TLL2: variants seen among roughly 807,000 people sequenced by gnomAD.
TLL2 encodes tolloid like 2.
TLL2 carries 106 observed loss-of-function variants against 123.0 expected under a neutral mutation model. The observed-to-expected ratio is 0.86, with a 90% CI of 0.74 to 1.01. The LOEUF (loss-of-function observed/expected upper bound fraction) is 1.01. TLL2 is among the 50% of genes least tolerant of loss of function. TLL2 has a pLI of 0.00. For missense variants in TLL2, 1,332 were observed against 1,336.7 expected (o/e 1.00, Z 0.06); for synonymous variants, 494 against 516.8 (o/e 0.96, Z 0.60).
At chr10:96,424,429 A>G (rs1846658440) in intron 5 of TLL2, among the ~76,000 whole-genome samples, 1 of 152,160 alleles carries the variant, frequency 6.6e-6, no homozygotes, top group Non-Finnish European at 1.5e-5. Flanking sequence ...GTACCCAACA[A>G]ATATATACAC....
At chr10:96,501,587 A>C (rs1847533500) in intron 1 of TLL2, among the ~76,000 whole-genome samples, 2 of 152,226 alleles carry the variant, frequency 1.3e-5, no homozygotes, top group South Asian at 4.1e-4. Context: ...AGCTTATTTC[A>C]ATCCTGTCAT....
intron 2 of TLL2, among the ~76,000 whole-genome samples, chr10:96,469,410 A>C (rs1847157897): frequency 6.6e-6 from 1 of 152,192 alleles, no homozygotes; most frequent in Non-Finnish European, 1.5e-5. Flanking sequence ...ATGGAAGAAG[A>C]AGCCTGCTTA....
At chr10:96,411,996 A>G (rs1210831740) in intron 8 of TLL2, among the ~76,000 whole-genome samples, 1 of 152,204 alleles carries the variant, frequency 6.6e-6, no homozygotes, top group Non-Finnish European at 1.5e-5. Context: ...ATACATTACT[A>G]TGTGGCTCCA....
chr10:96,424,776 T>C (rs1284616461), intron 5 of TLL2, among the ~76,000 whole-genome samples: 1 of 139,420 alleles, frequency 7.2e-6, no homozygotes, highest in Non-Finnish European at 1.6e-5. Flanking sequence ...TATTGTTTTG[T>C]TTTTTTTGCA....
At chr10:96,403,806 T>C (rs1280500321) in intron 10 of TLL2, among the ~76,000 whole-genome samples, 3 of 152,172 alleles carry the variant, frequency 2.0e-5, no homozygotes, top group Non-Finnish European at 2.9e-5. Context: ...TAAAACCCGA[T>C]TGTACATTTG....
intron 3 of TLL2, among the ~76,000 whole-genome samples, chr10:96,444,343 A>C (rs891976068): frequency 2.4e-4 from 37 of 152,246 alleles, no homozygotes; most frequent in African/African-American, 8.2e-4. Context: ...CTAATTGATA[A>C]GGAAAACACT....
chr10:96,431,978 A>T lies in TLL2; in HGVS notation c.520+829T>A, dbSNP rs117915517. Among the ~76,000 whole-genome samples the T allele has an allele frequency of 1.1e-3, 173 of 152,158 alleles. 2 individuals carry two copies. In the East Asian group the frequency reaches 0.027, roughly 23 times the overall value. ...TCTTGGGATGGGCACATGGCTGGTG[A>T]GGCCAGAGCTTAGGGATGAAGGATG... On this transcript the variant is annotated intron_variant, in intron 4 of 20. Coordinates refer to ENST00000357947, the MANE Select transcript of TLL2 (RefSeq NM_012465.4).
intron 2 of TLL2, among the ~76,000 whole-genome samples, chr10:96,479,823 A>C (rs906132756): frequency 6.6e-6 from 1 of 152,168 alleles, no homozygotes; most frequent in Admixed American, 6.5e-5. Context: ...TCCTCAAATA[A>C]GGAGAGTCCC....
At chr10:96,505,529 T>C (rs562324747) in intron 1 of TLL2, among the ~76,000 whole-genome samples, 14 of 152,376 alleles carry the variant, frequency 9.2e-5, no homozygotes, top group Admixed American at 5.9e-4. Context: ...TATTAATCAC[T>C]AAATCCTCAT....
intron 1 of TLL2, among the ~76,000 whole-genome samples, chr10:96,489,538 GAA>G (rs1240162426): frequency 2.0e-5 from 3 of 151,894 alleles, no homozygotes; most frequent in African/African-American, 7.3e-5. Context: ...AAAGAAAGAA[GAA>G]AGAGAGAGAG....
At chr10:96,386,348 A>G (rs1326382655) in intron 14 of TLL2, 133 bp from the exon 15 acceptor site, 3 of 941,766 alleles carry the variant, frequency 3.2e-6, no homozygotes, top group East Asian at 2.8e-5. Flanking sequence ...TGATTAATTC[A>G]GTGTCCTTTG....
chr10:96,480,199 GAGA>G (rs1342331485), intron 2 of TLL2, 147 bp downstream of exon 2: 3 of 653,266 alleles, frequency 4.6e-6, no homozygotes. Flanking sequence ...GGCTCCAGTG[GAGA>G]AGGAGAAGTG....
chr10:96,463,051 T>A (rs1002929595), intron 2 of TLL2, among the ~76,000 whole-genome samples: 4 of 152,248 alleles, frequency 2.6e-5, no homozygotes, highest in African/African-American at 9.6e-5. Flanking sequence ...AAAAGTGCCA[T>A]GAATATTGAT....
At chr10:96,483,084 GC>G (rs1424895648) in intron 1 of TLL2, among the ~76,000 whole-genome samples, 4 of 152,178 alleles carry the variant, frequency 2.6e-5, no homozygotes, top group Non-Finnish European at 5.9e-5. Flanking sequence ...TTGTAGAAAA[GC>G]GTAGGACCAA....
At chr10:96,395,788 C>A (rs927560581) in intron 12 of TLL2, 87 bp downstream of exon 12, 14 of 1,533,412 alleles carry the variant, frequency 9.1e-6, no homozygotes, top group Middle Eastern at 1.9e-4. Flanking sequence ...CTGTTTTTAG[C>A]CAAAAATGAA....
chr10:96,475,583 G>T (rs1268131547), intron 2 of TLL2, among the ~76,000 whole-genome samples: 1 of 152,214 alleles, frequency 6.6e-6, no homozygotes, highest in Non-Finnish European at 1.5e-5. Flanking sequence ...AACTGACATG[G>T]TTTCCTTCTG....
intron 11 of TLL2, among the ~76,000 whole-genome samples, chr10:96,396,629 A>G (rs1244147066): frequency 1.5e-5 from 2 of 135,732 alleles, no homozygotes; most frequent in Non-Finnish European, 3.1e-5. Flanking sequence ...GTGGGGAATG[A>G]GCCAGAGAAG....
chr10:96,384,704 T>C lies in TLL2; in HGVS notation c.2077A>G (p.Arg693Gly). The change falls in exon 16 of 21, where the codon AGG (arginine) becomes GGG (glycine). Residue 693 changes from arginine to glycine, a missense_variant. Physicochemically the swap from Arg to Gly is moderately radical, Grantham distance 125 (BLOSUM62 -2). Transcript: ENST00000357947. ...TCCGGCGTCTCAGAGCCGCAGAACCTGCCGTGCAGCTTGGCGTCGGGGGAC... is the reference window on the plus strand; with the variant it reads ...TCCGGCGTCTCAGAGCCGCAGAACCCGCCGTGCAGCTTGGCGTCGGGGGAC... ...GLSPDAKLHG[R>G]FCGSETPEVI... 2 of 1,612,228 alleles carry C rather than the reference T, an allele frequency of 1.2e-6. No homozygotes were observed. The highest frequency in any genetic ancestry group is 1.7e-6 in the Non-Finnish European group (2 of 1,178,782).
intron 3 of TLL2, among the ~76,000 whole-genome samples, chr10:96,444,124 A>G (rs1337315726): frequency 6.6e-6 from 1 of 152,244 alleles, no homozygotes; most frequent in Non-Finnish European, 1.5e-5. Flanking sequence ...ACTTGTTAAA[A>G]ACACTGATAA....
Sources: gnomAD v4.1 joint callset for allele counts (sites outside exome capture counted in the v4.1 genomes callset) on GRCh38, gnomAD v4.1.1 for gene constraint, MANE v1.5 for transcripts, NCBI Gene and HGNC (gene_info 2026-07-23, HGNC 2026-07-21) for gene names.